The following THSD4 variants were observed in gnomAD, a reference collection of about 807,000 sequenced individuals.
THSD4 encodes the protein thrombospondin type-1 domain-containing protein 4.
In THSD4, 69 loss-of-function variants were observed where a neutral mutation model predicts 119.0. The observed-to-expected ratio is 0.58, with a 90% CI of 0.48 to 0.71. The LOEUF is 0.71. Ranked by LOEUF, THSD4 falls within the 30% of genes least tolerant of loss-of-function variation. THSD4 has a pLI of 0.00. For missense variants in THSD4, 1,393 were observed against 1,391.1 expected (o/e 1.00, Z -0.02); for synonymous variants, 524 against 540.4 (o/e 0.97, Z 0.42).
chr15:71,754,681 CA>C (rs1199936642), intron 14 of THSD4, among the ~76,000 whole-genome samples: 2 of 152,090 alleles, frequency 1.3e-5, no homozygotes, highest in Non-Finnish European at 2.9e-5. Context: ...GTTTCCTCTG[CA>C]TTCTTAGGTT....
At chr15:71,758,773 C>G (rs1271093871) in intron 15 of THSD4, among the ~76,000 whole-genome samples, 2 of 152,188 alleles carry the variant, frequency 1.3e-5, no homozygotes, top group Non-Finnish European at 2.9e-5. Flanking sequence ...TACACATTAT[C>G]AAGACCTCTG....
At chr15:71,342,251 A>G (rs2045590043) in intron 6 of THSD4, 1 of 176,688 alleles carries the variant, frequency 5.7e-6, no homozygotes, top group South Asian at 1.3e-4. Context: ...CGCTTTGGGA[A>G]CCTGGAACAG....
chr15:71,442,660 G>GTGTATATA, intron 7 of THSD4, among the ~76,000 whole-genome samples: 3 of 25,828 alleles, frequency 1.2e-4, no homozygotes, highest in Non-Finnish European at 1.8e-4. Context: ...GTGTGTGTGT[G>GTGTATATA]TATATATATA....
At chr15:71,738,854 T>TA (rs1297797281) in intron 11 of THSD4, among the ~76,000 whole-genome samples, 2 of 151,930 alleles carry the variant, frequency 1.3e-5, no homozygotes, top group East Asian at 1.9e-4. Context: ...GACCTCAGCA[T>TA]AAAAAAACAC....
At chr15:71,379,104 C>G (rs1410957490) in intron 6 of THSD4, among the ~76,000 whole-genome samples, 1 of 152,034 alleles carries the variant, frequency 6.6e-6, no homozygotes, top group African/African-American at 2.4e-5. Context: ...TTGTTTTAAG[C>G]CAGTTGTTGA....
intron 1 of THSD4, among the ~76,000 whole-genome samples, chr15:71,135,894 C>T (rs868077535): frequency 2.0e-5 from 3 of 152,076 alleles, no homozygotes; most frequent in East Asian, 1.9e-4. Flanking sequence ...ATTGGATCCC[C>T]GGTCCTGTCC....
intron 7 of THSD4, among the ~76,000 whole-genome samples, chr15:71,484,978 C>CTAAA (rs2047792876): frequency 6.6e-6 from 1 of 152,204 alleles, no homozygotes; most frequent in South Asian, 2.1e-4. Context: ...TGCTGACCAG[C>CTAAA]TAGGTGATCT....
At position 71,737,979 on chromosome 15, in the gene THSD4, A is replaced by G. The variant is rs774150611; in HGVS notation, c.1878A>G (p.Thr626=). The change falls in exon 11 of 18, where the codon ACA becomes ACG. Residue 626 remains threonine (T), a synonymous_variant. Transcript: ENST00000261862. ...SRDHNWKQLG[T]TECSTTCGKG... is the part of the protein sequence containing the mutation. ...ATCACAACTGGAAGCAGCTTGGGACAACAGAATGTTCCACGACCTGTGGGA... is the reference window on the plus strand; with the variant it reads ...ATCACAACTGGAAGCAGCTTGGGACGACAGAATGTTCCACGACCTGTGGGA... 17 of 1,613,792 alleles carry G rather than the reference A, an allele frequency of 1.1e-5. No individual in the cohort carries two copies. Among genetic ancestry groups the G allele is most frequent in the South Asian group, 1.1e-5 (1 of 91,038 alleles).
chr15:71,362,233 G>A (rs2045901586), intron 6 of THSD4, among the ~76,000 whole-genome samples: 1 of 152,150 alleles, frequency 6.6e-6, no homozygotes, highest in Non-Finnish European at 1.5e-5. Context: ...GAGCCAAGAT[G>A]GTGCTACTGC....
chr15:71,256,698 G>A lies in THSD4; in HGVS notation c.998G>A (p.Trp333Ter). 1 of 1,613,802 alleles carries A rather than the reference G, an allele frequency of 6.2e-7. No individual in the cohort carries two copies. Among genetic ancestry groups the A allele is most frequent in the Non-Finnish European group, 8.5e-7 (1 of 1,179,880 alleles). ...CCATTCATGGGCCGGTTTTATGAGT[G>A]GGAACCATTTGCAGAAGGTAAGAAT... ...NKPFMGRFYE[W>*]EPFAEVKGNR... Residue 333 changes from tryptophan to a stop codon, truncating the protein, a stop_gained, in exon 6 of 18, where the codon TGG becomes TAG. Coordinates refer to ENST00000261862, the MANE Select transcript of THSD4 (RefSeq NM_024817.3). LOFTEE classifies it high-confidence loss of function.
chr15:71,407,818 C>T (rs1052175124), intron 6 of THSD4, among the ~76,000 whole-genome samples: 1 of 152,146 alleles, frequency 6.6e-6, no homozygotes, highest in Non-Finnish European at 1.5e-5. Context: ...TGTCCTAGAC[C>T]TCATCCCCAG....
chr15:71,340,673 T>C (rs576281856), intron 6 of THSD4, among the ~76,000 whole-genome samples: 1 of 148,962 alleles, frequency 6.7e-6, no homozygotes, highest in African/African-American at 2.5e-5. Context: ...TGGTGCAATC[T>C]CTGCTTGCTG....
intron 6 of THSD4, among the ~76,000 whole-genome samples, chr15:71,402,762 G>T (rs1420929408): frequency 6.6e-6 from 1 of 152,150 alleles, no homozygotes; most frequent in East Asian, 1.9e-4. Context: ...CTAACTGCTG[G>T]GGGGTGTGAC....
At chr15:71,548,345 G>T (rs116327134) in intron 7 of THSD4, among the ~76,000 whole-genome samples, 1 of 152,162 alleles carries the variant, frequency 6.6e-6, no homozygotes, top group South Asian at 2.1e-4. Context: ...AATGAAAAGT[G>T]TATCTCCTAA....
chr15:71,714,765 G>T (rs1051953479), intron 8 of THSD4, among the ~76,000 whole-genome samples: 6 of 152,284 alleles, frequency 3.9e-5, no homozygotes, highest in African/African-American at 1.4e-4. Context: ...AGAATCGCTT[G>T]TGGAGGTTGC....
chr15:71,412,883 A>G (rs1233627144), intron 7 of THSD4, among the ~76,000 whole-genome samples: 4 of 152,210 alleles, frequency 2.6e-5, no homozygotes, highest in Admixed American at 6.5e-5. Context: ...GGTATATGTG[A>G]TATTTTGATA....
At chr15:71,608,249 T>TACACAC (rs55892951) in intron 7 of THSD4, among the ~76,000 whole-genome samples, 2,237 of 106,088 alleles carry the variant, frequency 0.021, 59 homozygotes, top group African/African-American at 0.034. Context: ...TATATATATA[T>TACACAC]ACACACACAC....
chr15:71,258,712 C>G (rs2044352388), intron 6 of THSD4, among the ~76,000 whole-genome samples: 1 of 152,078 alleles, frequency 6.6e-6, no homozygotes, highest in African/African-American at 2.4e-5. Context: ...AAATACTGCC[C>G]CCACCCACCA....
chr15:71,419,827 G>T (rs2046790776), intron 7 of THSD4, among the ~76,000 whole-genome samples: 2 of 107,656 alleles, frequency 1.9e-5, no homozygotes, highest in African/African-American at 3.2e-5. Flanking sequence ...ATTCCATTGT[G>T]GTCAGAGGAC....
Sources: allele counts gnomAD v4.1 joint callset (sites outside exome capture counted in the v4.1 genomes callset), GRCh38; gene constraint gnomAD v4.1.1; transcripts MANE v1.5; gene names NCBI Gene and HGNC (gene_info 2026-07-23, HGNC 2026-07-21).